Variants in PABPC4L observed in about 807,000 individuals in gnomAD.
PABPC4L encodes poly(A) binding protein cytoplasmic 4 like, also known as polyadenylate-binding protein 4-like.
For missense variants in PABPC4L, 452 were observed against 451.4 expected, an observed-to-expected ratio of 1.00 and a Z score of -0.01; for synonymous variants, 169 against 164.1, an observed-to-expected ratio of 1.03 and a Z score of -0.23.
chr4:134,112,440 G>T, the PABPC4L span, among the ~76,000 whole-genome samples: 1 of 151,648 alleles, frequency 6.6e-6, no homozygotes. Context: ...TCTGATTTTA[G>T]ATTATATACA....
the PABPC4L span, among the ~76,000 whole-genome samples, chr4:134,078,110 C>T: frequency 2.0e-5 from 3 of 152,044 alleles, no homozygotes; most frequent in Non-Finnish European, 4.4e-5. Context: ...TGATAACTAA[C>T]CTAAAATGAC....
At chr4:134,120,169 G>C in the PABPC4L span, among the ~76,000 whole-genome samples, 275 of 150,894 alleles carry the variant, frequency 1.8e-3, 2 homozygotes, top group African/African-American at 6.4e-3. Context: ...TTAGAAACTA[G>C]TATAGTAATT....
chr4:134,189,702 T>C, the PABPC4L span, among the ~76,000 whole-genome samples: 1 of 152,094 alleles, frequency 6.6e-6, no homozygotes, highest in Admixed American at 6.6e-5. Flanking sequence ...TTCTGTCTTT[T>C]AGTGAGTCTG....
At chr4:134,042,909 T>C in the PABPC4L span, among the ~76,000 whole-genome samples, 1 of 152,144 alleles carries the variant, frequency 6.6e-6, no homozygotes, top group Non-Finnish European at 1.5e-5. Flanking sequence ...CTATTTTTCC[T>C]GTCATTAAAA....
At chr4:134,031,411 T>C in the PABPC4L span, among the ~76,000 whole-genome samples, 1 of 152,138 alleles carries the variant, frequency 6.6e-6, no homozygotes, top group African/African-American at 2.4e-5. Context: ...AATTTTCATC[T>C]GGTACCTTGA....
Position 134,199,870 on chromosome 4 carries a change from G to A in PABPC4L, c.*37C>T. On this transcript the variant is annotated 3_prime_UTR_variant, in exon 2 of 2. Transcript: ENST00000421491. ...AGAGATCACTATCATTCTCCCACCT[G>A]CTGCAGATACTAGCTGGAAAGGTAC... 1 of 1,544,450 alleles carries A rather than the reference G, an allele frequency of 6.5e-7. No homozygotes were observed. The highest frequency in any genetic ancestry group is 2.0e-5 in the Admixed American group (1 of 48,984).
At chr4:134,005,507 A>T in the PABPC4L span, among the ~76,000 whole-genome samples, 1 of 151,804 alleles carries the variant, frequency 6.6e-6, no homozygotes, top group Non-Finnish European at 1.5e-5. Context: ...AGATGCAGAG[A>T]TTTTTTATAA....
At chr4:134,090,220 C>T in the PABPC4L span, among the ~76,000 whole-genome samples, 2 of 152,204 alleles carry the variant, frequency 1.3e-5, no homozygotes, top group African/African-American at 4.8e-5. Flanking sequence ...AGATGTTCCT[C>T]ATTATTTAAT....
At chr4:134,035,315 T>C in the PABPC4L span, among the ~76,000 whole-genome samples, 2 of 152,038 alleles carry the variant, frequency 1.3e-5, no homozygotes, top group African/African-American at 4.8e-5. Flanking sequence ...TTAAATTTAT[T>C]GTGGTGGTAT....
At chr4:134,120,262 T>TG in the PABPC4L span, among the ~76,000 whole-genome samples, 1 of 47,874 alleles carries the variant, frequency 2.1e-5, no homozygotes, top group Non-Finnish European at 3.1e-5. Flanking sequence ...GTTCTTTGGT[T>TG]TTTTTTTTTT....
the PABPC4L span, among the ~76,000 whole-genome samples, chr4:134,046,239 A>G: frequency 3.3e-5 from 5 of 152,128 alleles, no homozygotes; most frequent in Admixed American, 1.3e-4. Flanking sequence ...GAAGGTTAGC[A>G]GGAAAACATG....
chr4:134,150,014 T>G, the PABPC4L span, among the ~76,000 whole-genome samples: 1 of 152,028 alleles, frequency 6.6e-6, no homozygotes, highest in Admixed American at 6.6e-5. Context: ...CTACAGTAAC[T>G]AAGGACAGAC....
the PABPC4L span, among the ~76,000 whole-genome samples, chr4:134,094,380 T>C: frequency 2.0e-5 from 3 of 151,968 alleles, no homozygotes; most frequent in Non-Finnish European, 4.4e-5. Context: ...ATACTAAAAC[T>C]CTATGTCTAC....
chr4:134,166,652 G>A, the PABPC4L span, among the ~76,000 whole-genome samples: 1 of 152,176 alleles, frequency 6.6e-6, no homozygotes, highest in Non-Finnish European at 1.5e-5. Context: ...TGATTTTCTG[G>A]AGGATCAAAC....
the PABPC4L span, among the ~76,000 whole-genome samples, chr4:134,046,241 G>A: frequency 6.6e-6 from 1 of 152,038 alleles, no homozygotes; most frequent in Non-Finnish European, 1.5e-5. Context: ...AGGTTAGCAG[G>A]AAAACATGTG....
the PABPC4L span, among the ~76,000 whole-genome samples, chr4:134,054,097 A>G: frequency 6.6e-6 from 1 of 151,558 alleles, no homozygotes; most frequent in Non-Finnish European, 1.5e-5. Context: ...TAGACAAATA[A>G]TAAACTTTAA....
the PABPC4L span, among the ~76,000 whole-genome samples, chr4:134,152,577 GCA>G: frequency 1.3e-5 from 2 of 152,064 alleles, no homozygotes; most frequent in African/African-American, 4.8e-5. Context: ...CTGGGCATCT[GCA>G]CACTCAATAC....
the PABPC4L span, among the ~76,000 whole-genome samples, chr4:134,073,021 A>T: frequency 1.3e-5 from 2 of 152,266 alleles, 1 homozygote; most frequent in East Asian, 3.9e-4. Flanking sequence ...AAACCATATC[A>T]TTCCACCCTG....
At chr4:134,153,878 A>G in the PABPC4L span, among the ~76,000 whole-genome samples, 2 of 120,478 alleles carry the variant, frequency 1.7e-5, no homozygotes, top group East Asian at 4.9e-4. Context: ...TTTATTCTTA[A>G]TGAGCTTTTG....
Sources: gnomAD v4.1 joint callset for allele counts (sites outside exome capture counted in the v4.1 genomes callset) on GRCh38, gnomAD v4.1.1 for gene constraint, MANE v1.5 for transcripts, NCBI Gene and HGNC (gene_info 2026-07-23, HGNC 2026-07-21) for gene names.